HECW2: variants seen among roughly 807,000 people sequenced by gnomAD.
The protein encoded by HECW2 is HECT, C2 and WW domain containing E3 ubiquitin protein ligase 2, also known as E3 ubiquitin-protein ligase HECW2.
A neutral mutation model predicts 175.2 loss-of-function variants in HECW2; 61 were observed. The observed-to-expected ratio is 0.35, with a 90% CI of 0.28 to 0.43. The LOEUF (loss-of-function observed/expected upper bound fraction) is 0.43. Ranked by LOEUF, HECW2 falls within the 20% of genes least tolerant of loss-of-function variation. HECW2 has a pLI of 1.00. For synonymous variants in HECW2, 671 were observed against 731.0 expected, an observed-to-expected ratio of 0.92 and a Z score of 1.32; for missense variants, 1,524 against 2,000.5, an observed-to-expected ratio of 0.76 and a Z score of 4.54.
intron 1 of HECW2, among the ~76,000 whole-genome samples, chr2:196,442,604 C>T (rs1696072607): frequency 6.6e-6 from 1 of 152,144 alleles, no homozygotes; most frequent in African/African-American, 2.4e-5. Context: ...ACCTTATAGA[C>T]TATTATGAAG....
intron 1 of HECW2, among the ~76,000 whole-genome samples, chr2:196,557,319 T>C (rs536749329): frequency 6.6e-6 from 1 of 150,892 alleles, no homozygotes; most frequent in South Asian, 2.1e-4. Flanking sequence ...TGCTTGAACC[T>C]GGGGGGCGGA....
At chr2:196,377,049 C>A (rs1412332134) in intron 2 of HECW2, among the ~76,000 whole-genome samples, 1 of 152,130 alleles carries the variant, frequency 6.6e-6, no homozygotes, top group Non-Finnish European at 1.5e-5. Context: ...TGATCATACT[C>A]AAATTTCATA....
At chr2:196,404,101 A>C (rs1451000333) in intron 2 of HECW2, among the ~76,000 whole-genome samples, 2 of 152,192 alleles carry the variant, frequency 1.3e-5, no homozygotes, top group East Asian at 3.9e-4. Context: ...TGCCAGAAAA[A>C]AGTCTTCTGT....
chr2:196,539,129 G>A (rs1462483479), intron 1 of HECW2, among the ~76,000 whole-genome samples: 1 of 152,126 alleles, frequency 6.6e-6, no homozygotes, highest in Non-Finnish European at 1.5e-5. Flanking sequence ...AGGTAGTTTG[G>A]TGGAGAAACT....
At chr2:196,522,023 G>T (rs1559156393) in intron 1 of HECW2, among the ~76,000 whole-genome samples, 1 of 152,008 alleles carries the variant, frequency 6.6e-6, no homozygotes, top group Non-Finnish European at 1.5e-5. Context: ...GGGTCAAATG[G>T]TATTTCTAGT....
intron 1 of HECW2, among the ~76,000 whole-genome samples, chr2:196,575,920 C>T (rs1384415298): frequency 1.3e-5 from 2 of 150,770 alleles, no homozygotes; most frequent in African/African-American, 4.9e-5. Context: ...GGGCACCAAG[C>T]CGTTTATGAG....
At position 196,250,830 on chromosome 2, in the gene HECW2, C is replaced by G. The variant is rs141962818; in HGVS notation, c.3529+3090G>C. On this transcript the variant is annotated intron_variant, in intron 19 of 28. Transcript: ENST00000644978. The stretch of plus-strand genomic sequence containing the variant: ...CTAAAATTCCTTCCCTCTCTCTTCT[C>G]CTAACTACTGTTCTATTTTGCTTTC... Among the ~76,000 whole-genome samples the G allele has an allele frequency of 3.7e-3, 568 of 152,222 alleles. 3 individuals are homozygous for G. Among genetic ancestry groups the G allele is most frequent in the Non-Finnish European group, 6.9e-3 (471 of 68,010 alleles).
chr2:196,468,038 GA>G (rs889314469), intron 1 of HECW2, among the ~76,000 whole-genome samples: 8 of 152,034 alleles, frequency 5.3e-5, no homozygotes, highest in African/African-American at 1.9e-4. Context: ...TTTTGAGATG[GA>G]GTCTCACTCC....
intron 1 of HECW2, among the ~76,000 whole-genome samples, chr2:196,577,124 C>A (rs927912361): frequency 6.6e-6 from 1 of 152,124 alleles, no homozygotes; most frequent in Non-Finnish European, 1.5e-5. Flanking sequence ...ATATTTGAAT[C>A]TCAGAATCAG....
At chr2:196,224,627 G>GA (rs1687785310) in intron 23 of HECW2, among the ~76,000 whole-genome samples, 1 of 152,178 alleles carries the variant, frequency 6.6e-6, no homozygotes, top group African/African-American at 2.4e-5. Context: ...CACAGTGTCA[G>GA]AAGCAGCAGC....
chr2:196,278,133 A>ATATATATATATATATAT (rs1553489735), intron 15 of HECW2, among the ~76,000 whole-genome samples: 1,010 of 66,486 alleles, frequency 0.015, 279 homozygotes, highest in East Asian at 0.077. Context: ...ATAATTAAAA[A>ATATATATATATATATAT]ATATATATAT....
chr2:196,217,869 T>C (rs937565899), intron 26 of HECW2: 1 of 152,212 alleles, frequency 6.6e-6, no homozygotes, highest in Non-Finnish European at 1.5e-5. Context: ...TGAATAGACA[T>C]AGTTAATGGG....
chr2:196,538,997 G>C (rs1384579362), intron 1 of HECW2, among the ~76,000 whole-genome samples: 1 of 152,200 alleles, frequency 6.6e-6, no homozygotes, highest in Non-Finnish European at 1.5e-5. Context: ...AGTGAGAAGT[G>C]GTGGTCTGAA....
At chr2:196,365,736 TAGGCCGTTA>T (rs1226383226) in intron 2 of HECW2, among the ~76,000 whole-genome samples, 5 of 152,204 alleles carry the variant, frequency 3.3e-5, no homozygotes, top group Non-Finnish European at 7.3e-5. Flanking sequence ...GCTTAGAAAG[TAGGCCGTTA>T]AACTCACTAA....
At chr2:196,267,979 T>C (rs879862164) in intron 17 of HECW2, among the ~76,000 whole-genome samples, 17 of 152,206 alleles carry the variant, frequency 1.1e-4, no homozygotes, top group Admixed American at 3.3e-4. Flanking sequence ...CTTTGACACA[T>C]AGATTACTGA....
chr2:196,242,320 A>C, intron 19 of HECW2, 116 bp from the exon 20 acceptor site: 4 of 1,324,634 alleles, frequency 3.0e-6, no homozygotes, highest in Non-Finnish European at 4.2e-6. Flanking sequence ...AACTGTCTTA[A>C]CTTCTGCATT....
chr2:196,392,426 T>C (rs1303327876), intron 2 of HECW2, among the ~76,000 whole-genome samples: 1 of 152,194 alleles, frequency 6.6e-6, no homozygotes, highest in Non-Finnish European at 1.5e-5. Context: ...TTAAGTTTTA[T>C]ATTCCTTAAT....
rs202033151 is a variant in HECW2, at chr2:196,257,820, T to C, written c.3419+3A>G. 1.2e-6 allele frequency: 2 copies of C among 1,608,548 alleles called. No homozygotes were observed. Among genetic ancestry groups the C allele is most frequent in the African/African-American group, 1.3e-5 (1 of 74,916 alleles). ...GCTTCAAGAGTGAGTGTTACGTATG[T>C]ACCTCAGCAACATAACAAGGTCTGC... On this transcript the variant is annotated splice_donor_region_variant and intron_variant, in intron 18 of 28. Coordinates refer to ENST00000644978, the MANE Select transcript of HECW2 (RefSeq NM_001348768.2).
intron 1 of HECW2, among the ~76,000 whole-genome samples, chr2:196,551,379 T>G (rs989823320): frequency 1.3e-5 from 2 of 152,216 alleles, no homozygotes; most frequent in Admixed American, 1.3e-4. Context: ...AACATTTGTA[T>G]GAGACCTTAA....
Sources: gnomAD v4.1 joint callset for allele counts (sites outside exome capture counted in the v4.1 genomes callset) on GRCh38, gnomAD v4.1.1 for gene constraint, MANE v1.5 for transcripts, NCBI Gene and HGNC (gene_info 2026-07-23, HGNC 2026-07-21) for gene names.